Variants in LMO2 observed in about 807,000 individuals in gnomAD.
LMO2 encodes LIM domain only 2, also known as rhombotin-2.
A neutral mutation model predicts 23.2 loss-of-function variants in LMO2; 20 were observed. That is an observed-to-expected ratio of 0.86 (90% CI 0.61 to 1.25). LMO2 has a LOEUF of 1.25. Among genes scored for constraint, LMO2 ranks in the 50% most tolerant of loss-of-function variants. The pLI is 0.00. For missense variants in LMO2, 270 were observed against 315.3 expected (o/e 0.86, Z 1.09); for synonymous variants, 123 against 130.2 (o/e 0.94, Z 0.38).
chr11:33,884,280 G>T (rs560001436), intron 1 of LMO2, among the ~76,000 whole-genome samples: 17 of 152,178 alleles, frequency 1.1e-4, no homozygotes, highest in Non-Finnish European at 2.5e-4. Context: ...GGTAGTGGGG[G>T]AAGATTAATT....
At chr11:33,870,069 C>A (rs1856968292) in intron 2 of LMO2, 82 bp from the exon 3 acceptor site, 7 of 400,330 alleles carry the variant, frequency 1.7e-5, no homozygotes, top group African/African-American at 2.5e-5. Context: ...CTTTTTTCTT[C>A]CTTTTTTTTT....
chr11:33,869,439 G>A lies in LMO2; in HGVS notation c.155C>T (p.Pro52Leu), dbSNP rs548583380. ...CGGGGGCGCTCCCTTTGTGGCGCGGGGCTGGCCGGCTGCCGGGGCTCGGAC... is the reference window on the plus strand; with the variant it reads ...CGGGGGCGCTCCCTTTGTGGCGCGGAGCTGGCCGGCTGCCGGGGCTCGGAC... Reference protein sequence around the residue: ...EGVRAPAAGQPRATKGAPPPP... With the variant: ...EGVRAPAAGQLRATKGAPPPP... Residue 52 changes from proline to leucine, a missense_variant, in exon 4 of 6, where the codon CCC (proline) becomes CTC (leucine). By Grantham distance (98) the Pro-to-Leu change is moderately conservative (BLOSUM62 -3). This residue lies in a region of LMO2 where 170 missense variants were observed against 162.0 expected (regional missense o/e 1.05). Coordinates refer to ENST00000257818, the MANE Select transcript of LMO2 (RefSeq NM_005574.4). 7 of 1,199,100 alleles carry A rather than the reference G, an allele frequency of 5.8e-6. No homozygotes were observed. The East Asian group carries it at 1.5e-4, about 25-fold the overall frequency. The allele number at this position is 1,199,100 out of a possible 1,614,324, so 74.3% of individuals were successfully genotyped here.
intron 1 of LMO2, among the ~76,000 whole-genome samples, chr11:33,891,385 ACACATG>A (rs1307414356): frequency 6.0e-4 from 29 of 48,704 alleles, no homozygotes; most frequent in Middle Eastern, 0.019. Context: ...ACACACACAC[ACACATG>A]CACACACACT....
In LMO2 at chr11:33,859,603, A is replaced by C. The variant is rs776842963; in HGVS notation, c.465-28T>G. 8 of 1,602,948 alleles carry C rather than the reference A, an allele frequency of 5.0e-6. No homozygotes were observed. The African/African-American group carries it at 8.0e-5, about 16-fold the overall frequency. On this transcript the variant is annotated intron_variant, in intron 5 of 5. Coordinates refer to ENST00000257818, the MANE Select transcript of LMO2 (RefSeq NM_005574.4). ...GGGGCAAAAGAAAGAAAAGCTAAGA[A>C]GACAGTGAAAGGGACAATCCTGGAA...
Position 33,865,893 on chromosome 11 carries a change from C to T in LMO2, c.249-1076G>A, listed in dbSNP as rs112196596. Among the ~76,000 whole-genome samples, 856 of 152,318 alleles carry T rather than the reference C, an allele frequency of 5.6e-3. 12 individuals are homozygous for T. The highest frequency in any genetic ancestry group is 0.019 in the African/African-American group (809 of 41,556). On this transcript the variant is annotated intron_variant, in intron 4 of 5. Transcript: ENST00000257818. ...CATGGGACACAGCAAACACTTAATA[C>T]GTGTTGATTTATAATAATTAGCAAG... is the stretch of plus-strand genomic sequence containing the variant.
chr11:33,881,303 T>G (rs1461924876), intron 2 of LMO2: 1 of 456,868 alleles, frequency 2.2e-6, no homozygotes, highest in Non-Finnish European at 4.4e-6. Flanking sequence ...TTAACAAATA[T>G]TCCATTTGTA....
At chr11:33,884,838 C>G (rs1424591186) in intron 1 of LMO2, among the ~76,000 whole-genome samples, 2 of 152,210 alleles carry the variant, frequency 1.3e-5, no homozygotes, top group Non-Finnish European at 2.9e-5. Flanking sequence ...TCATCTGGAG[C>G]TAGTCTCTTA....
rs540948075 is a variant in LMO2, at chr11:33,869,225, C to A, written c.248+121G>T. 7.6e-6 allele frequency: 5 copies of A among 658,786 alleles called. No individual in the cohort carries two copies. The African/African-American group carries it at 7.8e-5, about 10-fold the overall frequency. The allele number at this position is 658,786 out of a possible 1,614,324, so 40.8% of individuals were successfully genotyped here. A position where few individuals can be genotyped will look rare whatever the true frequency, so the allele number is the denominator to read the frequency against. ...GGAGCCCAGCGCTCGGCACAGGGGG[C>A]CAAGGGCACGCCGCGAGCGCGCACC... On this transcript the variant is annotated intron_variant, in intron 4 of 5. Coordinates refer to ENST00000257818, the MANE Select transcript of LMO2 (RefSeq NM_005574.4).
At chr11:33,866,118 A>C (rs1856773404) in intron 4 of LMO2, among the ~76,000 whole-genome samples, 1 of 152,120 alleles carries the variant, frequency 6.6e-6, no homozygotes, top group Non-Finnish European at 1.5e-5. Flanking sequence ...TGTGCCCATA[A>C]AGCCCAGCAG....
At chr11:33,859,621 T>C in intron 5 of LMO2, 46 bp from the exon 6 acceptor site, 1 of 1,576,410 alleles carries the variant, frequency 6.3e-7, no homozygotes, top group African/African-American at 1.4e-5. Context: ...AAAGGGACAA[T>C]CCTGGAAGAC....
Position 33,859,221 on chromosome 11 carries a change from A to G in LMO2, c.*135T>C. Reference sequence around the variant, plus strand: ...CTTGGATGCTATGTCTTGATACCCAATAAAGGTCTACCATCCCCTAAGAAA... The same window carrying G: ...CTTGGATGCTATGTCTTGATACCCAGTAAAGGTCTACCATCCCCTAAGAAA... On this transcript the variant is annotated 3_prime_UTR_variant, in exon 6 of 6. Coordinates refer to ENST00000257818, the MANE Select transcript of LMO2 (RefSeq NM_005574.4). The G allele has an allele frequency of 1.6e-6, 1 of 638,712 alleles. No individual in the cohort carries two copies. The highest frequency in any genetic ancestry group is 2.8e-6 in the Non-Finnish European group (1 of 358,228). 39.6% of individuals were successfully genotyped at this position (638,712 alleles called of 1,614,324 possible).
Position 33,869,431 on chromosome 11 carries a change from T to C in LMO2, c.163A>G (p.Thr55Ala), listed in dbSNP as rs960970712. 13 of 1,194,472 alleles carry C rather than the reference T, an allele frequency of 1.1e-5. No homozygotes were observed. The highest frequency in any genetic ancestry group is 1.3e-5 in the Non-Finnish European group (12 of 958,342). 74.0% of individuals were successfully genotyped at this position (1,194,472 alleles called of 1,614,324 possible). A position where few individuals can be genotyped will look rare whatever the true frequency, so the allele number is the denominator to read the frequency against. ...CCGGGCGGCGGGGGCGCTCCCTTTG[T>C]GGCGCGGGGCTGGCCGGCTGCCGGG... ...RAPAAGQPRA[T>A]KGAPPPPGTP... The change falls in exon 4 of 6, where the codon ACA becomes GCA. Residue 55 changes from threonine to alanine, a missense_variant. Thr to Ala is a moderately conservative substitution (Grantham distance 58). Coordinates refer to ENST00000257818, the MANE Select transcript of LMO2 (RefSeq NM_005574.4).
intron 2 of LMO2, among the ~76,000 whole-genome samples, chr11:33,871,450 C>A (rs1857020156): frequency 6.6e-6 from 1 of 151,258 alleles, no homozygotes; most frequent in Admixed American, 6.6e-5. Context: ...TGCCTGAAAT[C>A]CTAGCTACTC....
Position 33,864,587 on chromosome 11 carries a change from T to C in LMO2, c.464+15A>G. ...CCTCCCTTCCGAGGGCCCAGTGGAG[T>C]GCCGGGGAGGGTACCTGAGATAGTC... On this transcript the variant is annotated intron_variant, in intron 5 of 5. Transcript: ENST00000257818. The surrounding 1 kb of genome is among the most constrained non-coding windows in gnomAD (Gnocchi z 4.8). 6.2e-7 allele frequency: 1 copy of C among 1,605,776 alleles called. No homozygotes were observed.
intron 2 of LMO2, among the ~76,000 whole-genome samples, chr11:33,875,715 T>C (rs1370405057): frequency 6.6e-6 from 1 of 152,178 alleles, no homozygotes; most frequent in African/African-American, 2.4e-5. Flanking sequence ...ACCTTCTCCT[T>C]TGGGTACCAA....
At position 33,864,569 on chromosome 11, in the gene LMO2, T is replaced by TCCGAGGGCCCAGTGGAGTG; in HGVS notation, c.464+14_464+32dup. 1 of 1,582,796 alleles carries TCCGAGGGCCCAGTGGAGTG rather than the reference T, an allele frequency of 6.3e-7. No homozygotes were observed. The highest frequency in any genetic ancestry group is 8.6e-7 in the Non-Finnish European group (1 of 1,158,932). On this transcript the variant is annotated intron_variant, in intron 5 of 5. Coordinates refer to ENST00000257818, the MANE Select transcript of LMO2 (RefSeq NM_005574.4). The surrounding 1 kb of genome is among the most constrained non-coding windows in gnomAD (Gnocchi z 4.8). Reference sequence around the variant, plus strand: ...TGTCCATGGACCACCCAGCCTCCCTTCCGAGGGCCCAGTGGAGTGCCGGGG... The same window carrying TCCGAGGGCCCAGTGGAGTG: ...TGTCCATGGACCACCCAGCCTCCCTTCCGAGGGCCCAGTGGAGTGCCGAGGGCCCAGTGGAGTGCCGGGG...
chr11:33,886,166 C>T (rs1857402164), intron 1 of LMO2, among the ~76,000 whole-genome samples: 1 of 152,184 alleles, frequency 6.6e-6, no homozygotes, highest in Non-Finnish European at 1.5e-5. Context: ...GCATGAGCCA[C>T]CATGCCCGGC....
At chr11:33,870,998 T>C in intron 2 of LMO2, 1 of 900,756 alleles carries the variant, frequency 1.1e-6, no homozygotes, top group Non-Finnish European at 1.3e-6. Context: ...AAAGGCCTAT[T>C]TGTGCGTGAT....
chr11:33,863,620 G>T (rs1329558930), intron 5 of LMO2, among the ~76,000 whole-genome samples: 2 of 152,122 alleles, frequency 1.3e-5, no homozygotes, highest in Non-Finnish European at 2.9e-5. Context: ...TGACAGTAGA[G>T]GGCACAGAGA....
Sources: gnomAD v4.1 joint callset for allele counts (sites outside exome capture counted in the v4.1 genomes callset) on GRCh38, gnomAD v4.1.1 for gene constraint, gnomAD v4.1.1 regional missense constraint, Gnocchi (gnomAD v3.1) non-coding constraint, MANE v1.5 for transcripts, NCBI Gene and HGNC (gene_info 2026-07-23, HGNC 2026-07-21) for gene names.